The following PSMD14 variants were observed in gnomAD, a reference collection of about 807,000 sequenced individuals.
PSMD14 encodes the protein proteasome 26S subunit, non-ATPase 14.
In PSMD14, 7 loss-of-function variants were observed where a neutral mutation model predicts 41.2. The observed-to-expected ratio is 0.17, with a 90% CI of 0.10 to 0.32. PSMD14 has a LOEUF of 0.32. PSMD14 is among the 10% of genes least tolerant of loss of function. PSMD14 has a pLI of 1.00. For missense variants in PSMD14, 139 were observed against 375.6 expected, an observed-to-expected ratio of 0.37 and a Z score of 5.21; for synonymous variants, 114 against 122.3, an observed-to-expected ratio of 0.93 and a Z score of 0.45.
intron 3 of PSMD14, among the ~76,000 whole-genome samples, chr2:161,340,273 C>G (rs1452983533): frequency 6.6e-6 from 1 of 152,040 alleles, no homozygotes; most frequent in Non-Finnish European, 1.5e-5. Context: ...GGCATCTCAC[C>G]CCCGACAACC....
intron 3 of PSMD14, among the ~76,000 whole-genome samples, chr2:161,327,553 T>C (rs1682717191): frequency 6.6e-6 from 1 of 152,136 alleles, no homozygotes; most frequent in African/African-American, 2.4e-5. Context: ...GCAGAAATTT[T>C]TATGTCTTTA....
At chr2:161,312,581 A>G (rs1220590366) in intron 1 of PSMD14, among the ~76,000 whole-genome samples, 1 of 152,236 alleles carries the variant, frequency 6.6e-6, no homozygotes, top group Non-Finnish European at 1.5e-5. Flanking sequence ...TATTTTTACC[A>G]GTTAGGATTC....
intron 2 of PSMD14, among the ~76,000 whole-genome samples, chr2:161,318,506 C>G (rs980870724): frequency 1.3e-5 from 2 of 152,124 alleles, no homozygotes; most frequent in African/African-American, 4.8e-5. Flanking sequence ...TTTCTACATT[C>G]AGGTACTTTA....
At chr2:161,410,387 T>G (rs1684007923) in intron 11 of PSMD14, among the ~76,000 whole-genome samples, 1 of 152,056 alleles carries the variant, frequency 6.6e-6, no homozygotes, top group African/African-American at 2.4e-5. Flanking sequence ...GAACATTTGT[T>G]TAAAGTTAGG....
intron 10 of PSMD14, chr2:161,407,960 T>A (rs1174024994): frequency 1.3e-5 from 2 of 152,062 alleles, no homozygotes; most frequent in East Asian, 3.8e-4. Context: ...TGTGAAATTC[T>A]CAATAAAGAG....
In PSMD14 at chr2:161,406,253, A is replaced by C. The variant is rs1273545556; in HGVS notation, c.772-2584A>C. ...TGATCACATAACAGACCAAATTCCA[A>C]GGATTTCTTAGAGCTGTGCAGACCG... is the stretch of plus-strand genomic sequence containing the variant. On this transcript the variant is annotated intron_variant, in intron 10 of 11. Transcript: ENST00000409682. Among the ~76,000 whole-genome samples, 7 of 152,288 alleles carry C rather than the reference A, an allele frequency of 4.6e-5. No individual in the cohort carries two copies. In the East Asian group the frequency reaches 1.3e-3, roughly 29 times the overall value.
chr2:161,368,562 G>T (rs1396323271), intron 5 of PSMD14, among the ~76,000 whole-genome samples: 3 of 151,832 alleles, frequency 2.0e-5, no homozygotes, highest in African/African-American at 7.3e-5. Flanking sequence ...TGTGCATTTT[G>T]ACTGAAAGAA....
chr2:161,401,152 T>C (rs1412465972), intron 10 of PSMD14, among the ~76,000 whole-genome samples: 1 of 152,174 alleles, frequency 6.6e-6, no homozygotes, highest in Non-Finnish European at 1.5e-5. Context: ...GTACTGTAAA[T>C]GTATTTTCTT....
At chr2:161,333,710 A>G (rs545401891) in intron 3 of PSMD14, among the ~76,000 whole-genome samples, 15 of 152,326 alleles carry the variant, frequency 9.8e-5, no homozygotes, top group African/African-American at 2.6e-4. Context: ...CAAGCTCCCA[A>G]TGAGAGAAAG....
At chr2:161,341,169 GC>G in intron 3 of PSMD14, 1 of 977,742 alleles carries the variant, frequency 1.0e-6, no homozygotes, top group Non-Finnish European at 1.2e-6. Flanking sequence ...CGGCGCCGGG[GC>G]CCCGGTGGCC....
chr2:161,366,246 C>T (rs1683356130), intron 3 of PSMD14, among the ~76,000 whole-genome samples: 1 of 152,030 alleles, frequency 6.6e-6, no homozygotes, highest in African/African-American at 2.4e-5. Flanking sequence ...ATTTGAGGGA[C>T]TTGATTTTTC....
chr2:161,406,512 T>TA (rs753140701), intron 10 of PSMD14, among the ~76,000 whole-genome samples: 10 of 152,300 alleles, frequency 6.6e-5, no homozygotes, highest in South Asian at 2.1e-4. Flanking sequence ...AATCATTTCT[T>TA]ACGTTTTTCC....
chr2:161,348,026 C>A (rs2105245673), intron 3 of PSMD14, among the ~76,000 whole-genome samples: 1 of 152,156 alleles, frequency 6.6e-6, no homozygotes, highest in African/African-American at 2.4e-5. Context: ...TAAAAATGGG[C>A]AAAAGATACA....
chr2:161,370,237 C>A, intron 6 of PSMD14, 60 bp downstream of exon 6: 1 of 1,244,836 alleles, frequency 8.0e-7, no homozygotes, highest in Non-Finnish European at 1.1e-6. Context: ...AAACATACCT[C>A]AAAGTTATAG....
At chr2:161,367,963 CT>C (rs111680555) in intron 5 of PSMD14, 60 bp downstream of exon 5, 3 of 1,527,574 alleles carry the variant, frequency 2.0e-6, no homozygotes, top group South Asian at 2.5e-5. Flanking sequence ...TTTTCTTTTC[CT>C]ATGCAAACTA....
intron 3 of PSMD14, among the ~76,000 whole-genome samples, chr2:161,341,742 G>A (rs1272166921): frequency 6.6e-6 from 1 of 151,276 alleles, no homozygotes; most frequent in South Asian, 2.1e-4. Flanking sequence ...AGGAGGCTGA[G>A]GCAGGAGAAT....
At position 161,371,158 on chromosome 2, in the gene PSMD14, C is replaced by A. The variant is rs1484060363; in HGVS notation, c.312-14C>A. 1 of 1,610,876 alleles carries A rather than the reference C, an allele frequency of 6.2e-7. No homozygotes were observed. Among genetic ancestry groups the A allele is most frequent in the Non-Finnish European group, 8.5e-7 (1 of 1,177,926 alleles). On this transcript the variant is annotated splice_polypyrimidine_tract_variant and intron_variant, in intron 6 of 11. Transcript: ENST00000409682. ...TGTTCTGTTCTGAGCATCTGAATGCCCTCTTTGTTTCAGGCCGGAGATGGT... is the reference window on the plus strand; with the variant it reads ...TGTTCTGTTCTGAGCATCTGAATGCACTCTTTGTTTCAGGCCGGAGATGGT...
chr2:161,371,431 T>C, intron 7 of PSMD14, 109 bp downstream of exon 7: 1 of 1,153,816 alleles, frequency 8.7e-7, no homozygotes, highest in Non-Finnish European at 1.2e-6. Flanking sequence ...CACAGAAAGC[T>C]GCTGTCTGTT....
At chr2:161,342,956 A>G (rs1412200305) in intron 3 of PSMD14, among the ~76,000 whole-genome samples, 2 of 152,180 alleles carry the variant, frequency 1.3e-5, no homozygotes, top group African/African-American at 2.4e-5. Context: ...TAGCATGTGA[A>G]TGTTATAATA....
Sources: allele counts gnomAD v4.1 joint callset (sites outside exome capture counted in the v4.1 genomes callset), GRCh38; gene constraint gnomAD v4.1.1; transcripts MANE v1.5; gene names NCBI Gene and HGNC (gene_info 2026-07-23, HGNC 2026-07-21).